Variants in THRB observed in about 807,000 individuals in gnomAD.
THRB encodes the protein nuclear receptor subfamily 1 group A member 2.
A neutral mutation model predicts 47.8 loss-of-function variants in THRB; 12 were observed. That is an observed-to-expected ratio of 0.25 (90% CI 0.16 to 0.41). The LOEUF (loss-of-function observed/expected upper bound fraction) is 0.41, where lower values mean the gene tolerates loss of function less well. Among genes scored for constraint, THRB ranks in the 10% least tolerant of loss-of-function variants. THRB has a pLI of 1.00. For synonymous variants in THRB, 218 were observed against 212.2 expected, an observed-to-expected ratio of 1.03 and a Z score of -0.24; for missense variants, 348 against 589.2, an observed-to-expected ratio of 0.59 and a Z score of 4.24.
intron 3 of THRB, among the ~76,000 whole-genome samples, chr3:24,283,621 T>G (rs1290490984): frequency 1.4e-5 from 2 of 147,504 alleles, no homozygotes; most frequent in Admixed American, 1.3e-4. Context: ...GGGTATTCAA[T>G]TAGGAAAAGA....
chr3:24,367,649 C>T (rs1450589356), intron 1 of THRB, among the ~76,000 whole-genome samples: 1 of 152,144 alleles, frequency 6.6e-6, no homozygotes, highest in East Asian at 1.9e-4. Flanking sequence ...ACTGTTGTAA[C>T]ATGCTTTGTT....
At chr3:24,153,938 G>A (rs79188391) in intron 5 of THRB, among the ~76,000 whole-genome samples, 4,610 of 152,044 alleles carry the variant, frequency 0.03, 101 homozygotes, top group South Asian at 0.076. Context: ...GTATCTTACC[G>A]TGACATTTCA....
chr3:24,463,975 G>A (rs181362815), intron 1 of THRB, among the ~76,000 whole-genome samples: 31 of 152,266 alleles, frequency 2.0e-4, no homozygotes, highest in East Asian at 9.7e-4. Flanking sequence ...GGCTGGGCGC[G>A]GTGGCTCACG....
At chr3:24,473,342 A>G (rs1468604997) in intron 1 of THRB, among the ~76,000 whole-genome samples, 2 of 152,242 alleles carry the variant, frequency 1.3e-5, no homozygotes, top group Non-Finnish European at 2.9e-5. Context: ...TCTAATGACC[A>G]GTGATGATGA....
chr3:24,216,458 A>T (rs1200236621), intron 4 of THRB, among the ~76,000 whole-genome samples: 1 of 152,166 alleles, frequency 6.6e-6, no homozygotes, highest in Non-Finnish European at 1.5e-5. Context: ...AATACAAAAA[A>T]TTAGCCGGGC....
intron 1 of THRB, among the ~76,000 whole-genome samples, chr3:24,385,521 CCTT>C (rs2066032229): frequency 6.6e-6 from 1 of 152,100 alleles, no homozygotes; most frequent in South Asian, 2.1e-4. Flanking sequence ...ATTGCTCCCT[CCTT>C]TTCCACCCAG....
At chr3:24,313,543 C>T (rs576376070) in intron 2 of THRB, among the ~76,000 whole-genome samples, 101 of 152,282 alleles carry the variant, frequency 6.6e-4, no homozygotes, top group Middle Eastern at 3.4e-3. Flanking sequence ...ATGTTTCTCT[C>T]TACTTCTTAA....
At chr3:24,370,977 A>C (rs2064865620) in intron 1 of THRB, among the ~76,000 whole-genome samples, 1 of 152,164 alleles carries the variant, frequency 6.6e-6, no homozygotes, top group Admixed American at 6.6e-5. Context: ...AGCTGTAGAA[A>C]AGGGAAACTA....
chr3:24,402,773 C>G (rs1385800348), intron 1 of THRB, among the ~76,000 whole-genome samples: 17 of 151,872 alleles, frequency 1.1e-4, no homozygotes, highest in Admixed American at 1.1e-3. Context: ...TTATGGTCAA[C>G]TCTTATAATT....
chr3:24,128,863 C>CTTTTTTTTTTTTTTTTTTTT lies in THRB; in HGVS notation c.886-1126_886-1107dup, dbSNP rs57890674. ...GCCAAGAGAAGAAGGAAACATAACTCTTTTTTTTTTTTTTTTTTTTTTTTT... is the reference window on the plus strand; with the variant it reads ...GCCAAGAGAAGAAGGAAACATAACTCTTTTTTTTTTTTTTTTTTTTTTTTTTTTTTTTTTTTTTTTTTTTT... On this transcript the variant is annotated intron_variant, in intron 9 of 10. Coordinates refer to ENST00000646209, the MANE Select transcript of THRB (RefSeq NM_001354712.2). 2.3e-5 allele frequency among the ~76,000 whole-genome samples: 2 copies of CTTTTTTTTTTTTTTTTTTTT among 87,042 alleles called. 1 individual carries two copies. The highest frequency in any genetic ancestry group is 3.1e-4 in the Admixed American group (2 of 6,506). 57.1% of individuals were successfully genotyped at this position (87,042 alleles called of 152,430 possible).
intron 3 of THRB, among the ~76,000 whole-genome samples, chr3:24,292,213 C>A (rs997121753): frequency 6.6e-6 from 1 of 152,088 alleles, no homozygotes; most frequent in African/African-American, 2.4e-5. Context: ...TGAAAAAATG[C>A]AACTAGTGGT....
intron 1 of THRB, among the ~76,000 whole-genome samples, chr3:24,412,706 A>G (rs1183032553): frequency 6.6e-6 from 1 of 151,856 alleles, no homozygotes; most frequent in Non-Finnish European, 1.5e-5. Flanking sequence ...CAAATTATCA[A>G]ATTATCACAA....
chr3:24,120,784 A>G lies in THRB; in HGVS notation c.*2100T>C, dbSNP rs2031542878. Reference sequence around the variant, plus strand: ...AATCTGTCTGTAGATAAAGCAGGTAATCTGCCAATGAATTTCGTGCTTATA... The same window carrying G: ...AATCTGTCTGTAGATAAAGCAGGTAGTCTGCCAATGAATTTCGTGCTTATA... On this transcript the variant is annotated 3_prime_UTR_variant, in exon 11 of 11. Coordinates refer to ENST00000646209, the MANE Select transcript of THRB (RefSeq NM_001354712.2). 6.6e-6 allele frequency: 1 copy of G among 152,236 alleles called. No individual in the cohort carries two copies. 9.4% of individuals were successfully genotyped at this position (152,236 alleles called of 1,614,324 possible).
At chr3:24,306,941 T>G (rs943953505) in intron 2 of THRB, among the ~76,000 whole-genome samples, 1 of 151,940 alleles carries the variant, frequency 6.6e-6, no homozygotes, top group African/African-American at 2.4e-5. Context: ...CATATCTGGT[T>G]CTAAAAAAAG....
At chr3:24,156,510 C>G (rs1018329504) in intron 5 of THRB, among the ~76,000 whole-genome samples, 7 of 152,204 alleles carry the variant, frequency 4.6e-5, no homozygotes, top group Non-Finnish European at 1.0e-4. Flanking sequence ...CTTTTCCAAA[C>G]TGGCAAATCT....
chr3:24,257,266 GTATATCAAAAGGTATTTTTTGA>G (rs2051393066), intron 3 of THRB, among the ~76,000 whole-genome samples: 1 of 151,226 alleles, frequency 6.6e-6, no homozygotes, highest in South Asian at 2.1e-4. Context: ...ATATTTTTTG[GTATATCAAAAGGTATTTTTTGA>G]TACCTTTTCA....
chr3:24,204,593 C>G (rs1416239849), intron 4 of THRB, among the ~76,000 whole-genome samples: 1 of 152,194 alleles, frequency 6.6e-6, no homozygotes, highest in South Asian at 2.1e-4. Context: ...AATATCAGAG[C>G]TCCTCTCCCC....
chr3:24,435,529 G>T (rs115345430), intron 1 of THRB, among the ~76,000 whole-genome samples: 1 of 152,104 alleles, frequency 6.6e-6, no homozygotes, highest in Non-Finnish European at 1.5e-5. Context: ...CCATGTGGAG[G>T]TGAACACTTC....
At chr3:24,204,742 C>A (rs906562610) in intron 4 of THRB, among the ~76,000 whole-genome samples, 3 of 152,154 alleles carry the variant, frequency 2.0e-5, no homozygotes, top group African/African-American at 7.2e-5. Context: ...CACAAAGAAG[C>A]TAAAAACCTT....
Sources: allele counts gnomAD v4.1 joint callset (sites outside exome capture counted in the v4.1 genomes callset), GRCh38; gene constraint gnomAD v4.1.1; transcripts MANE v1.5; gene names NCBI Gene and HGNC (gene_info 2026-07-23, HGNC 2026-07-21).